The following PKHD1L1 variants were observed in gnomAD, a reference collection of about 807,000 sequenced individuals.
The protein encoded by PKHD1L1 is PKHD1 like 1, also known as fibrocystin-L.
A neutral mutation model predicts 462.9 loss-of-function variants in PKHD1L1; 434 were observed. The observed-to-expected ratio is 0.94, with a 90% CI of 0.87 to 1.02. The LOEUF (loss-of-function observed/expected upper bound fraction) is 1.02. Among genes scored for constraint, PKHD1L1 ranks in the 50% least tolerant of loss-of-function variants. The pLI is 0.00. For synonymous variants in PKHD1L1, 1,781 were observed against 1,750.0 expected, an observed-to-expected ratio of 1.02 and a Z score of -0.44; for missense variants, 5,202 against 5,096.1, an observed-to-expected ratio of 1.02 and a Z score of -0.63.
rs1446700363 is a variant in PKHD1L1, at chr8:109,436,534, C to CG, written c.3627+81dup. On this transcript the variant is annotated intron_variant, in intron 30 of 77. Transcript: ENST00000378402. ...TAAATTAGGAAACATCTCAGTGGGGCGGGGGGTGAAACAAGTGGTGTATTT... is the reference window on the plus strand; with the variant it reads ...TAAATTAGGAAACATCTCAGTGGGGCGGGGGGGTGAAACAAGTGGTGTATTT... The CG allele has an allele frequency of 7.0e-6, 11 of 1,564,968 alleles. No homozygotes were observed. The East Asian group carries it at 1.6e-4, about 23-fold the overall frequency.
At chr8:109,478,010 T>C (rs1201255183) in intron 53 of PKHD1L1, among the ~76,000 whole-genome samples, 1 of 152,174 alleles carries the variant, frequency 6.6e-6, no homozygotes, top group Non-Finnish European at 1.5e-5. Flanking sequence ...AGTATTAGTC[T>C]TTAAGATGCT....
chr8:109,414,884 G>T (rs1669064658), intron 21 of PKHD1L1, among the ~76,000 whole-genome samples: 1 of 151,880 alleles, frequency 6.6e-6, no homozygotes. Context: ...AGTCTTGATG[G>T]AAGAATAAGT....
chr8:109,404,521 A>T lies in PKHD1L1; in HGVS notation c.1374-33A>T, dbSNP rs540680082. The T allele has an allele frequency of 1.9e-5, 26 of 1,351,372 alleles. No individual in the cohort carries two copies. The East Asian group carries it at 2.4e-4, about 12-fold the overall frequency. 83.7% of individuals were successfully genotyped at this position (1,351,372 alleles called of 1,614,324 possible). On this transcript the variant is annotated intron_variant, in intron 14 of 77. Coordinates refer to ENST00000378402, the MANE Select transcript of PKHD1L1 (RefSeq NM_177531.6). Reference sequence around the variant, plus strand: ...AATTTCATGGCAAGTGTTCTGGAAAAAAGTTATATTCATTAGTTACTCTAT... The same window carrying T: ...AATTTCATGGCAAGTGTTCTGGAAATAAGTTATATTCATTAGTTACTCTAT...
chr8:109,392,802 C>G (rs1381365707), intron 9 of PKHD1L1, among the ~76,000 whole-genome samples: 4 of 152,016 alleles, frequency 2.6e-5, no homozygotes. Context: ...GAATATCAAA[C>G]AAACCAATTA....
intron 77 of PKHD1L1, among the ~76,000 whole-genome samples, chr8:109,529,350 T>A (rs940733663): frequency 6.6e-6 from 1 of 152,234 alleles, no homozygotes; most frequent in Non-Finnish European, 1.5e-5. Flanking sequence ...TTATGCCAGT[T>A]TTCTTGTCTC....
intron 11 of PKHD1L1, 117 bp downstream of exon 11, chr8:109,396,254 G>C: frequency 1.3e-6 from 1 of 745,242 alleles, no homozygotes; most frequent in Admixed American, 2.6e-5. Flanking sequence ...TGGAAGCTGA[G>C]TATTTTCACA....
intron 50 of PKHD1L1, among the ~76,000 whole-genome samples, chr8:109,467,670 G>C (rs1817521850): frequency 6.6e-6 from 1 of 152,006 alleles, no homozygotes; most frequent in South Asian, 2.1e-4. Context: ...GAAATTATTA[G>C]TTAAAATATC....
At position 109,435,178 on chromosome 8, in the gene PKHD1L1, T is replaced by G. The variant is rs1815335447; in HGVS notation, c.3341-12T>G. ...TTTACCATTTTCTTCATCTTTTTCT[T>G]TTTTTCACAAGAAAAAGAGCTCAAG... On this transcript the variant is annotated splice_polypyrimidine_tract_variant and intron_variant, in intron 28 of 77. Transcript: ENST00000378402. The G allele has an allele frequency of 6.2e-7, 1 of 1,611,670 alleles. No homozygotes were observed. The highest frequency in any genetic ancestry group is 1.3e-5 in the African/African-American group (1 of 74,904).
chr8:109,418,161 T>G (rs1814280629), intron 21 of PKHD1L1, among the ~76,000 whole-genome samples: 1 of 152,198 alleles, frequency 6.6e-6, no homozygotes, highest in Non-Finnish European at 1.5e-5. Context: ...GTATGCCAAA[T>G]TTTCTAAGTT....
intron 27 of PKHD1L1, 55 bp from the exon 28 acceptor site, chr8:109,433,051 C>T (rs1815199107): frequency 8.0e-7 from 1 of 1,248,916 alleles, no homozygotes; most frequent in Non-Finnish European, 1.1e-6. Context: ...GATTTCATAA[C>T]AACAGGTTTT....
At chr8:109,416,489 A>G (rs1814176858) in intron 21 of PKHD1L1, among the ~76,000 whole-genome samples, 1 of 152,238 alleles carries the variant, frequency 6.6e-6, no homozygotes, top group South Asian at 2.1e-4. Flanking sequence ...ATTTCCATTT[A>G]TCTGTGTTGA....
At chr8:109,442,734 G>A (rs1222038565) in intron 35 of PKHD1L1, among the ~76,000 whole-genome samples, 3 of 152,086 alleles carry the variant, frequency 2.0e-5, no homozygotes, top group African/African-American at 7.2e-5. Context: ...ATCAATGCCG[G>A]AACTTGTTTT....
At chr8:109,431,744 A>G (rs995139709) in intron 27 of PKHD1L1, among the ~76,000 whole-genome samples, 5 of 152,230 alleles carry the variant, frequency 3.3e-5, no homozygotes, top group Admixed American at 6.5e-5. Flanking sequence ...TAGATTGTTT[A>G]CAAGTTTTCA....
In PKHD1L1 at chr8:109,438,964, T is replaced by C. The variant is rs1323034530; in HGVS notation, c.3828T>C (p.Tyr1276=). The C allele has an allele frequency of 3.7e-6, 6 of 1,613,546 alleles. No homozygotes were observed. The highest frequency in any genetic ancestry group is 1.3e-5 in the African/African-American group (1 of 74,910). ...AACTCACACAAAACATGGCGGTGTA[T>C]GTTGGAGGAAAAACCTGCCAGATTC... is the stretch of plus-strand genomic sequence containing the variant. ...GNELTQNMAV[Y]VGGKTCQILH... is the part of the protein sequence containing the mutation. The change falls in exon 32 of 78, where the codon TAT becomes TAC. Residue 1276 remains tyrosine, a synonymous_variant. Coordinates refer to ENST00000378402, the MANE Select transcript of PKHD1L1 (RefSeq NM_177531.6).
chr8:109,402,000 C>G (rs1417949610), intron 14 of PKHD1L1, among the ~76,000 whole-genome samples: 1 of 152,100 alleles, frequency 6.6e-6, no homozygotes, highest in Non-Finnish European at 1.5e-5. Flanking sequence ...CTGGTTTATT[C>G]CAGGCCCTGG....
rs139661742 is a variant in PKHD1L1 at position 109,444,341 on chromosome 8, ACTT to A, written c.4792-318_4792-316del. On this transcript the variant is annotated intron_variant, in intron 37 of 77. Transcript: ENST00000378402. The stretch of plus-strand genomic sequence containing the variant: ...CACACAAGTTGTACCATGTATCAGT[ACTT>A]CATTTCTTTTTGTGACCTAATAATA... Among the ~76,000 whole-genome samples the A allele has an allele frequency of 1.3e-3, 204 of 152,300 alleles. 1 individual carries two copies. Among genetic ancestry groups the A allele is most frequent in the African/African-American group, 4.6e-3 (190 of 41,564 alleles).
chr8:109,391,117 G>A (rs916119745), intron 9 of PKHD1L1, among the ~76,000 whole-genome samples: 3 of 152,122 alleles, frequency 2.0e-5, no homozygotes, highest in African/African-American at 7.2e-5. Context: ...TGAACATTTA[G>A]CAGCAGGCAT....
At chr8:109,405,776 G>A (rs139882008) in intron 16 of PKHD1L1, among the ~76,000 whole-genome samples, 3 of 152,100 alleles carry the variant, frequency 2.0e-5, no homozygotes, top group South Asian at 2.1e-4. Context: ...TGGGTTGATA[G>A]GTGCAGCAAA....
In PKHD1L1 at chr8:109,518,212, A is replaced by G. The variant is rs765597606; in HGVS notation, c.11735A>G (p.Tyr3912Cys). ...GATTCCACTGTCCTTGGTGAAAACTACTTTGATGGAACCTACCAGATGCTT... is the reference window on the plus strand; with the variant it reads ...GATTCCACTGTCCTTGGTGAAAACTGCTTTGATGGAACCTACCAGATGCTT... Reference protein sequence around the residue: ...NLDSTVLGENYFDGTYQMLYL... With the variant: ...NLDSTVLGENCFDGTYQMLYL... The change falls in exon 73 of 78, where the codon TAC becomes TGC. Residue 3912 changes from tyrosine (Y) to cysteine (C), a missense_variant. Tyr to Cys is a radical substitution (Grantham distance 194). This residue lies in a region of PKHD1L1 where 698 missense variants were observed against 736.3 expected (regional missense o/e 0.95). Transcript: ENST00000378402. 6 of 1,609,760 alleles carry G rather than the reference A, an allele frequency of 3.7e-6. No individual in the cohort carries two copies. In the Middle Eastern group the frequency reaches 6.6e-4, roughly 178 times the overall value.
Sources: allele counts gnomAD v4.1 joint callset (sites outside exome capture counted in the v4.1 genomes callset), GRCh38; gene constraint gnomAD v4.1.1; regional missense constraint gnomAD v4.1.1; transcripts MANE v1.5; gene names NCBI Gene and HGNC (gene_info 2026-07-23, HGNC 2026-07-21).